Variants in CDH17 observed in about 807,000 individuals in gnomAD.
CDH17 encodes cadherin-17.
Under a neutral mutation model 86.3 loss-of-function variants are expected in CDH17, and 67 were observed. The observed-to-expected ratio is 0.78, with a 90% CI of 0.64 to 0.95. The LOEUF is 0.95. Among genes scored for constraint, CDH17 ranks in the 40% least tolerant of loss-of-function variants. The probability of loss-of-function intolerance (pLI) is 0.00; values close to 1 mark genes in which losing one functional copy is unlikely to be tolerated. For synonymous variants in CDH17, 367 were observed against 366.4 expected, an observed-to-expected ratio of 1.00 and a Z score of -0.02; for missense variants, 993 against 1,017.6, an observed-to-expected ratio of 0.98 and a Z score of 0.33.
At chr8:94,158,375 G>A (rs115609966) in intron 12 of CDH17, among the ~76,000 whole-genome samples, 9 of 152,164 alleles carry the variant, frequency 5.9e-5, no homozygotes, top group African/African-American at 2.2e-4. Context: ...TAATCATTGA[G>A]ATAGGTGCCA....
chr8:94,181,043 C>G (rs184161370), intron 3 of CDH17, among the ~76,000 whole-genome samples: 288 of 150,754 alleles, frequency 1.9e-3, no homozygotes, highest in South Asian at 4.8e-3. Flanking sequence ...TAAAATTAAC[C>G]TATACTACTA....
At chr8:94,146,670 G>A (rs1812751394) in intron 14 of CDH17, among the ~76,000 whole-genome samples, 1 of 152,240 alleles carries the variant, frequency 6.6e-6, no homozygotes, top group South Asian at 2.1e-4. Context: ...TAACTGGTTG[G>A]TAGCTATGTA....
chr8:94,190,159 T>A (rs2130664063), intron 2 of CDH17, among the ~76,000 whole-genome samples: 1 of 152,324 alleles, frequency 6.6e-6, no homozygotes, highest in Non-Finnish European at 1.5e-5. Context: ...GTTACCCTTG[T>A]TTAACAGGTG....
chr8:94,210,227 A>T (rs1204249155), upstream of CDH17, among the ~76,000 whole-genome samples: 1 of 24,774 alleles, frequency 4.0e-5, no homozygotes. Context: ...TTATGCGAGT[A>T]AAAAAAAAAA....
Position 94,177,670 on chromosome 8 carries a change from T to C in CDH17, c.202A>G (p.Asn68Asp). 2 of 1,613,828 alleles carry C rather than the reference T, an allele frequency of 1.2e-6. No individual in the cohort carries two copies. Among genetic ancestry groups the C allele is most frequent in the Non-Finnish European group, 1.7e-6 (2 of 1,179,800 alleles). Residue 68 changes from asparagine (N) to aspartate (D), a missense_variant, in exon 4 of 18, where the codon AAC becomes GAC. Asn to Asp is a conservative substitution (Grantham distance 23). Transcript: ENST00000027335. ...CCCTCCCGTTCTATCACAAATATGT[T>C]GTCTGTCTCCCCAGTTAGTTCAAAA... ...VTFELTGETD[N>D]IFVIEREGLL...
chr8:94,128,439 ACTT>A lies in CDH17; in HGVS notation c.2399-102_2399-100del, dbSNP rs1040884818. The A allele has an allele frequency of 4.0e-6, 3 of 742,690 alleles. No homozygotes were observed. In the African/African-American group the frequency reaches 5.3e-5, roughly 13 times the overall value. The allele number at this position is 742,690 out of a possible 1,614,324, so 46.0% of individuals were successfully genotyped here. On this transcript the variant is annotated intron_variant, in intron 17 of 17. Coordinates refer to ENST00000027335, the MANE Select transcript of CDH17 (RefSeq NM_004063.4). ...ATTGTGGTAGGAAAAAAATGACTCA[ACTT>A]CATTTTTGTATGTGATTCAACAAAA...
chr8:94,157,901 T>C, intron 12 of CDH17, among the ~76,000 whole-genome samples: 1 of 152,176 alleles, frequency 6.6e-6, no homozygotes, highest in East Asian at 1.9e-4. Flanking sequence ...AAAAAAGATG[T>C]GCTGTTTGGT....
intron 1 of CDH17, among the ~76,000 whole-genome samples, chr8:94,200,532 CTTTTGTTTTTTTTTTTTTTTTT>C (rs1233867165): frequency 4.0e-5 from 2 of 50,236 alleles, no homozygotes; most frequent in Admixed American, 2.3e-4. Context: ...TTATTATTAT[CTTTTGTTTTTTTTTTTTTTTTT>C]TTTTTTTTTT....
At chr8:94,196,451 G>T (rs874019) in intron 1 of CDH17, among the ~76,000 whole-genome samples, 55,637 of 151,904 alleles carry the variant, frequency 0.37, 11,300 homozygotes, top group Non-Finnish European at 0.48. Context: ...ACATCCAGAA[G>T]CCCAGCACTT....
intron 1 of CDH17, among the ~76,000 whole-genome samples, chr8:94,204,186 G>T (rs1163176286): frequency 6.6e-6 from 1 of 152,010 alleles, no homozygotes; most frequent in Non-Finnish European, 1.5e-5. Context: ...TGCAGAACAT[G>T]CAGGTTTGTT....
At chr8:94,196,331 C>T (rs1813785601) in intron 1 of CDH17, among the ~76,000 whole-genome samples, 1 of 152,158 alleles carries the variant, frequency 6.6e-6, no homozygotes, top group African/African-American at 2.4e-5. Flanking sequence ...TTCATTTTAG[C>T]CTCACCAATG....
Position 94,156,184 on chromosome 8 carries a change from A to G in CDH17, c.1551+3787T>C, listed in dbSNP as rs779058039. 4.5e-4 allele frequency among the ~76,000 whole-genome samples: 69 copies of G among 152,300 alleles called. 1 individual carries two copies. Among genetic ancestry groups the G allele is most frequent in the Non-Finnish European group, 6.9e-4 (47 of 68,024 alleles). On this transcript the variant is annotated intron_variant, in intron 12 of 17. Transcript: ENST00000027335. ...AAACCGCCTGAAAGGTCAAACCTAG[A>G]GATTTAGATTCAACCTGGAGGCAAA...
intron 2 of CDH17, among the ~76,000 whole-genome samples, chr8:94,194,375 A>C (rs1188889078): frequency 6.6e-6 from 1 of 152,230 alleles, no homozygotes; most frequent in Non-Finnish European, 1.5e-5. Context: ...ATTTGTTTTC[A>C]ACATTACCCA....
chr8:94,176,590 C>A lies in CDH17; in HGVS notation c.375G>T (p.Thr125=), dbSNP rs144007824. 6.2e-7 allele frequency: 1 copy of A among 1,613,786 alleles called. No homozygotes were observed. Among genetic ancestry groups the A allele is most frequent in the Non-Finnish European group, 8.5e-7 (1 of 1,179,784 alleles). Residue 125 remains threonine (T), a synonymous_variant, in exon 5 of 18, where the codon ACG becomes ACT. Transcript: ENST00000027335. ...AGCCTTCGTACTTTGACTGGAGAAA[C>A]GTGGGTCGATTGTCGTTGATGTCCT... ...KVKDINDNRP[T]FLQSKYEGSV...
At chr8:94,158,287 G>C (rs1196101558) in intron 12 of CDH17, among the ~76,000 whole-genome samples, 1 of 152,090 alleles carries the variant, frequency 6.6e-6, no homozygotes, top group Non-Finnish European at 1.5e-5. Context: ...CAAAGAGTTT[G>C]GTCAGAGGCC....
At chr8:94,182,877 A>G (rs1364724958) in intron 3 of CDH17, among the ~76,000 whole-genome samples, 1 of 152,140 alleles carries the variant, frequency 6.6e-6, no homozygotes, top group Non-Finnish European at 1.5e-5. Context: ...AAGGAACCTA[A>G]AAAAACTATT....
intron 1 of CDH17, among the ~76,000 whole-genome samples, chr8:94,205,519 G>C (rs1326274738): frequency 6.6e-6 from 1 of 152,136 alleles, no homozygotes; most frequent in African/African-American, 2.4e-5. Context: ...AGTGACCCAA[G>C]GCAGGAATTT....
intron 14 of CDH17, among the ~76,000 whole-genome samples, chr8:94,146,930 T>C (rs2514801): frequency 0.79 from 119,553 of 152,154 alleles, 47,434 homozygotes; most frequent in Non-Finnish European, 0.81. Flanking sequence ...TGCTCATTTC[T>C]AGTAAACCCT....
At chr8:94,208,049 C>A (rs550225107) in intron 1 of CDH17, among the ~76,000 whole-genome samples, 1 of 152,222 alleles carries the variant, frequency 6.6e-6, no homozygotes, top group Non-Finnish European at 1.5e-5. Context: ...GAATCTCATT[C>A]TCTGAGAAGT....
Sources: allele counts gnomAD v4.1 joint callset (sites outside exome capture counted in the v4.1 genomes callset), GRCh38; gene constraint gnomAD v4.1.1; transcripts MANE v1.5; gene names NCBI Gene and HGNC (gene_info 2026-07-23, HGNC 2026-07-21).